The following BCAR3 variants were observed in gnomAD, a reference collection of about 807,000 sequenced individuals.
BCAR3 encodes the protein BCAR3 adaptor protein, NSP family member, also known as breast cancer anti-estrogen resistance protein 3.
In BCAR3, 37 loss-of-function variants were observed where a neutral mutation model predicts 80.1. That is an observed-to-expected ratio of 0.46 (90% CI 0.36 to 0.61). The LOEUF is 0.61. BCAR3 is among the 20% of genes least tolerant of loss of function. BCAR3 has a pLI of 0.00. For missense variants in BCAR3, 978 were observed against 1,068.2 expected, an observed-to-expected ratio of 0.92 and a Z score of 1.18; for synonymous variants, 389 against 418.9, an observed-to-expected ratio of 0.93 and a Z score of 0.87.
Position 93,681,712 on chromosome 1 carries a change from T to C in BCAR3, c.-126A>G, listed in dbSNP as rs1229419905. The C allele has an allele frequency of 1.3e-5, 2 of 151,626 alleles. No individual in the cohort carries two copies. The highest frequency in any genetic ancestry group is 2.9e-5 in the Non-Finnish European group (2 of 67,874). The allele number at this position is 151,626 out of a possible 1,614,324, so 9.4% of individuals were successfully genotyped here. On this transcript the variant is annotated 5_prime_UTR_variant, in exon 1 of 12. Transcript: ENST00000260502. Reference sequence around the variant, plus strand: ...CCCGCGCCGCGGCTGCTCCCGGAGCTGGGGACGCTCATGGTCCGCGGGGCG... The same window carrying C: ...CCCGCGCCGCGGCTGCTCCCGGAGCCGGGGACGCTCATGGTCCGCGGGGCG...
chr1:93,593,998 G>A (rs181164081), intron 3 of BCAR3, among the ~76,000 whole-genome samples: 9 of 152,256 alleles, frequency 5.9e-5, no homozygotes, highest in East Asian at 1.9e-4. Flanking sequence ...GGCTTTAGAC[G>A]GTGATGTTTG....
intron 3 of BCAR3, among the ~76,000 whole-genome samples, chr1:93,687,969 C>T (rs1052606313): frequency 6.6e-6 from 1 of 152,062 alleles, no homozygotes; most frequent in East Asian, 1.9e-4. Flanking sequence ...TAGAGAATTC[C>T]CTGAAGTTAA....
chr1:93,826,925 A>G (rs943503943), intron 2 of BCAR3, among the ~76,000 whole-genome samples: 1 of 152,174 alleles, frequency 6.6e-6, no homozygotes, highest in African/African-American at 2.4e-5. Flanking sequence ...GAAAGGGACA[A>G]TATGACAGGG....
At chr1:93,839,401 G>A (rs753709168) in intron 2 of BCAR3, among the ~76,000 whole-genome samples, 66 of 152,368 alleles carry the variant, frequency 4.3e-4, no homozygotes, top group Middle Eastern at 6.8e-3. Flanking sequence ...AAGGATTGCT[G>A]ATCTCATCTA....
At chr1:93,570,401 A>G (rs563590223) in intron 9 of BCAR3, among the ~76,000 whole-genome samples, 5 of 152,196 alleles carry the variant, frequency 3.3e-5, no homozygotes, top group South Asian at 4.2e-4. Flanking sequence ...GTAAACTCAT[A>G]CTCAAGTCCT....
intron 3 of BCAR3, among the ~76,000 whole-genome samples, chr1:93,691,847 A>C (rs1191301548): frequency 6.6e-6 from 1 of 152,228 alleles, no homozygotes; most frequent in African/African-American, 2.4e-5. Flanking sequence ...ATGAATATGT[A>C]CAATTCACTC....
intron 2 of BCAR3, among the ~76,000 whole-genome samples, chr1:93,789,011 C>G (rs1468762364): frequency 6.6e-6 from 1 of 152,066 alleles, no homozygotes; most frequent in East Asian, 1.9e-4. Flanking sequence ...CTATCTTTCT[C>G]TCTTTTTTGA....
intron 2 of BCAR3, among the ~76,000 whole-genome samples, chr1:93,844,098 G>C (rs1655058509): frequency 2.0e-5 from 3 of 152,194 alleles, no homozygotes; most frequent in Admixed American, 2.0e-4. Flanking sequence ...CACAAGGTCA[G>C]GAGTTCAAGA....
Position 93,767,961 on chromosome 1 carries a change from ACAT to A in BCAR3, c.-62-61822_-62-61820del, listed in dbSNP as rs1320837838. On this transcript the variant is annotated intron_variant, in intron 2 of 13. Transcript: ENST00000370244. ...AAGCACATATTTCTAGTAGTGGAAAACATCATCTATCAAAGAGTTCTGAGGTTT... is the reference window on the plus strand; with the variant it reads ...AAGCACATATTTCTAGTAGTGGAAAACATCTATCAAAGAGTTCTGAGGTTT... Among the ~76,000 whole-genome samples the A allele has an allele frequency of 1.1e-4, 16 of 147,956 alleles. No homozygotes were observed. In the South Asian group the frequency reaches 3.0e-3, roughly 27 times the overall value.
At chr1:93,626,117 T>A (rs192969084) in intron 3 of BCAR3, among the ~76,000 whole-genome samples, 205 of 152,312 alleles carry the variant, frequency 1.3e-3, no homozygotes, top group Non-Finnish European at 2.6e-3. Flanking sequence ...CTTGGTTATG[T>A]TACATAGAGT....
chr1:93,590,540 G>A (rs139825122), intron 4 of BCAR3, among the ~76,000 whole-genome samples: 23 of 152,340 alleles, frequency 1.5e-4, no homozygotes, highest in South Asian at 2.1e-4. Context: ...AGTAGTAAAC[G>A]AATGTAATGA....
chr1:93,635,055 T>A lies in BCAR3; in HGVS notation c.357+7249A>T, dbSNP rs190580481. 1.7e-3 allele frequency among the ~76,000 whole-genome samples: 260 copies of A among 151,980 alleles called. 3 individuals carry two copies. Among genetic ancestry groups the A allele is most frequent in the African/African-American group, 6.1e-3 (252 of 41,430 alleles). ...AGCCCAAGCACACAGGGAGACCCCA[T>A]CTCTACAAAAAATAAACAAGTTAGC... On this transcript the variant is annotated intron_variant, in intron 3 of 11. Transcript: ENST00000260502.
chr1:93,735,752 G>T (rs1650951225), intron 2 of BCAR3, among the ~76,000 whole-genome samples: 1 of 152,350 alleles, frequency 6.6e-6, no homozygotes, highest in Admixed American at 6.5e-5. Flanking sequence ...GAGAAAAGAT[G>T]ATATTTTGGA....
In BCAR3 at chr1:93,582,612, T is replaced by G; in HGVS notation, c.1375A>C (p.Thr459Pro). 1 of 1,613,942 alleles carries G rather than the reference T, an allele frequency of 6.2e-7. No homozygotes were observed. The highest frequency in any genetic ancestry group is 8.5e-7 in the Non-Finnish European group (1 of 1,179,962). The change falls in exon 7 of 12, where the codon ACA (threonine) becomes CCA (proline). Residue 459 changes from threonine to proline, a missense_variant. Coordinates refer to ENST00000260502, the MANE Select transcript of BCAR3 (RefSeq NM_003567.4). ...CCTGGCGCCTCATTCTGCTTGGCTG[T>G]GAGCAGTTCTGTGTGGCTTCCCTGG... ...CAQGSHTELL[T>P]AKQNEAPGPR...
chr1:93,779,779 G>T (rs141439016), intron 2 of BCAR3, among the ~76,000 whole-genome samples: 1 of 152,116 alleles, frequency 6.6e-6, no homozygotes, highest in South Asian at 2.1e-4. Context: ...TGCAGCAAGG[G>T]AATGGTATGT....
intron 2 of BCAR3, among the ~76,000 whole-genome samples, chr1:93,789,369 C>G (rs1238521701): frequency 6.6e-6 from 1 of 152,222 alleles, no homozygotes; most frequent in East Asian, 1.9e-4. Context: ...ATGTAGGGTT[C>G]TTTGCTAAGC....
At chr1:93,650,988 T>C (rs1373204950) in intron 2 of BCAR3, among the ~76,000 whole-genome samples, 5 of 152,130 alleles carry the variant, frequency 3.3e-5, no homozygotes, top group Admixed American at 3.3e-4. Flanking sequence ...TCAGAGCACA[T>C]CTGGAATATT....
intron 7 of BCAR3, among the ~76,000 whole-genome samples, chr1:93,578,876 ATATTATT>A (rs899381783): frequency 6.6e-6 from 1 of 152,110 alleles, no homozygotes; most frequent in African/African-American, 2.4e-5. Flanking sequence ...GGCTTTTAAT[ATATTATT>A]ATCTCATTTA....
At chr1:93,695,892 AC>A (rs1486741351) in intron 3 of BCAR3, among the ~76,000 whole-genome samples, 5 of 151,986 alleles carry the variant, frequency 3.3e-5, no homozygotes, top group Middle Eastern at 6.8e-3. Context: ...CTCTTTTGCT[AC>A]CTCTCTGACA....
Sources: gnomAD v4.1 joint callset for allele counts (sites outside exome capture counted in the v4.1 genomes callset) on GRCh38, gnomAD v4.1.1 for gene constraint, MANE v1.5 for transcripts, NCBI Gene and HGNC (gene_info 2026-07-23, HGNC 2026-07-21) for gene names.